The following F8 variants were observed in gnomAD, a reference collection of about 807,000 sequenced individuals.
F8 encodes coagulation factor VIII, also known as antihemophilic factor.
A neutral mutation model predicts 140.6 loss-of-function variants in F8; 12 were observed. The ratio of observed to expected loss-of-function variants is 0.09; its 90% CI spans 0.05 to 0.14. F8 has a LOEUF of 0.14. Ranked by LOEUF, F8 falls within the 10% of genes least tolerant of loss-of-function variation. The pLI, the probability that F8 is intolerant of heterozygous loss-of-function variation, is 1.00. For missense variants in F8, 1,354 were observed against 1,720.7 expected, an observed-to-expected ratio of 0.79 and a Z score of 3.77; for synonymous variants, 585 against 614.6, an observed-to-expected ratio of 0.95 and a Z score of 0.71.
intron 25 of F8, among the ~76,000 whole-genome samples, chrX:154,851,743 T>C (rs1178111266): frequency 9.0e-6 from 1 of 111,628 alleles, no homozygotes; most frequent in African/African-American, 3.3e-5. Context: ...TTACCCATTT[T>C]AAAATTTGGT....
At chrX:154,870,617 T>C (rs2072766687) in intron 22 of F8, among the ~76,000 whole-genome samples, 1 of 111,824 alleles carries the variant, frequency 8.9e-6, no homozygotes, top group Admixed American at 9.5e-5. Context: ...ACTGGAAGCA[T>C]TCCCTTTGAA....
At chrX:154,923,802 T>C (rs2073145241) in intron 14 of F8, among the ~76,000 whole-genome samples, 1 of 111,065 alleles carries the variant, frequency 9.0e-6, no homozygotes, top group Non-Finnish European at 1.9e-5. Context: ...TGATATGGTT[T>C]GGCTGTGTCC....
At chrX:154,890,362 G>GT (rs1315665308) in intron 22 of F8, among the ~76,000 whole-genome samples, 2 of 112,138 alleles carry the variant, frequency 1.8e-5, no homozygotes, top group Non-Finnish European at 3.8e-5. Flanking sequence ...GTTAATAACT[G>GT]TAAGTAATTT....
intron 4 of F8, among the ~76,000 whole-genome samples, chrX:154,990,058 C>T (rs782442922): frequency 1.8e-5 from 2 of 112,011 alleles, no homozygotes; most frequent in East Asian, 2.8e-4. Flanking sequence ...ATGCTGGTAA[C>T]CTACCTATAT....
In F8 at chrX:154,906,450, A is replaced by G; in HGVS notation, c.5343T>C (p.Tyr1781=). ...TATTATCTTCAACTTCTGCTCTTAT[A>G]TATGGCCCCAGGAGTCCCAAATGTT... ...LNEHLGLLGP[Y]IRAEVEDNIM... Residue 1781 remains tyrosine, a synonymous_variant, in exon 15 of 26, where the codon TAT becomes TAC. Transcript: ENST00000360256. The G allele has an allele frequency of 8.3e-7, 1 of 1,210,423 alleles. No homozygotes were observed. Among genetic ancestry groups the G allele is most frequent in the Non-Finnish European group, 1.1e-6 (1 of 894,380 alleles).
chrX:154,874,796 G>T (rs1557273872), intron 22 of F8, among the ~76,000 whole-genome samples: 1 of 111,788 alleles, frequency 8.9e-6, no homozygotes, highest in Non-Finnish European at 1.9e-5. Context: ...CAGCATAGAG[G>T]TTCCTCAAAA....
chrX:154,944,796 G>T (rs1334994145), intron 13 of F8, among the ~76,000 whole-genome samples: 38 of 111,567 alleles, frequency 3.4e-4, no homozygotes, highest in Non-Finnish European at 6.0e-4. Context: ...ATAGACTGGA[G>T]TAAGAAAATG....
chrX:155,021,420 C>T (rs985741694), intron 1 of F8, among the ~76,000 whole-genome samples: 1 of 111,147 alleles, frequency 9.0e-6, no homozygotes, highest in Admixed American at 9.6e-5. Context: ...TTATAATACA[C>T]ATTTAAAGAA....
At chrX:154,866,942 T>C (rs1197939169) in intron 22 of F8, among the ~76,000 whole-genome samples, 4 of 111,196 alleles carry the variant, frequency 3.6e-5, no homozygotes, top group East Asian at 2.8e-4. Context: ...ATAAACAAAA[T>C]TGACAAGTCC....
chrX:154,978,308 T>C (rs988401918), intron 6 of F8, among the ~76,000 whole-genome samples: 1 of 111,486 alleles, frequency 9.0e-6, no homozygotes, highest in Non-Finnish European at 1.9e-5. Flanking sequence ...TGGTCACATA[T>C]ACTGTTTTGC....
At chrX:155,000,928 A>C (rs782261356) in intron 1 of F8, among the ~76,000 whole-genome samples, 1 of 111,772 alleles carries the variant, frequency 8.9e-6, no homozygotes, top group East Asian at 2.8e-4. Flanking sequence ...AATGATGGCA[A>C]TAATGATAAA....
intron 25 of F8, among the ~76,000 whole-genome samples, chrX:154,853,442 A>G (rs1367065322): frequency 9.0e-6 from 1 of 111,628 alleles, no homozygotes; most frequent in African/African-American, 3.3e-5. Context: ...TTTAAATCTG[A>G]ATTGATTGTT....
At chrX:154,888,365 T>G (rs1455840367) in intron 22 of F8, among the ~76,000 whole-genome samples, 29 of 83,886 alleles carry the variant, frequency 3.5e-4, no homozygotes, top group African/African-American at 1.4e-3. Context: ...ACAACAGCTT[T>G]TATTTGTAAT....
At chrX:154,906,337 C>A in intron 15 of F8, 83 bp downstream of exon 15, 1 of 908,636 alleles carries the variant, frequency 1.1e-6, no homozygotes, top group Non-Finnish European at 1.5e-6. Flanking sequence ...TTAAAAATTT[C>A]CAAAAGTGGG....
At chrX:154,962,464 A>T (rs1454898921) in intron 9 of F8, among the ~76,000 whole-genome samples, 2 of 112,482 alleles carry the variant, frequency 1.8e-5, no homozygotes, top group African/African-American at 3.2e-5. Flanking sequence ...ATAGAGAAAG[A>T]GACAGTGTTT....
At chrX:154,963,084 C>G (rs1055108208) in intron 9 of F8, among the ~76,000 whole-genome samples, 2 of 111,653 alleles carry the variant, frequency 1.8e-5, no homozygotes, top group Non-Finnish European at 3.8e-5. Context: ...GAATGTTCTT[C>G]CATTTGTTTG....
intron 22 of F8, among the ~76,000 whole-genome samples, chrX:154,875,676 A>G (rs1202859817): frequency 9.0e-6 from 1 of 110,748 alleles, no homozygotes; most frequent in Non-Finnish European, 1.9e-5. Flanking sequence ...GCTGTGAAAG[A>G]GTACTGGGAA....
At chrX:154,926,158 C>T (rs781997503) in intron 14 of F8, among the ~76,000 whole-genome samples, 2 of 112,125 alleles carry the variant, frequency 1.8e-5, no homozygotes, top group East Asian at 5.6e-4. Flanking sequence ...TTGCTCCTCC[C>T]TGCCTTCTGC....
intron 1 of F8, among the ~76,000 whole-genome samples, chrX:155,009,571 C>T (rs1557286396): frequency 6.4e-5 from 7 of 109,994 alleles, no homozygotes; most frequent in Non-Finnish European, 5.7e-5. Flanking sequence ...ACCCTGTCTA[C>T]TAAAAATACA....
Sources: gnomAD v4.1 joint callset for allele counts (sites outside exome capture counted in the v4.1 genomes callset) on GRCh38, gnomAD v4.1.1 for gene constraint, MANE v1.5 for transcripts, NCBI Gene and HGNC (gene_info 2026-07-23, HGNC 2026-07-21) for gene names.